Variants in BET1 observed in about 807,000 individuals in gnomAD.
BET1 encodes the protein Bet1 golgi vesicular membrane trafficking protein, also known as BET1 homolog.
BET1 carries 9 observed loss-of-function variants against 13.9 expected under a neutral mutation model. The observed-to-expected ratio is 0.65, with a 90% CI of 0.39 to 1.13. The LOEUF is 1.13. Ranked by LOEUF, BET1 falls within the 50% of genes most tolerant of loss-of-function variation. The pLI is 0.01. For missense variants in BET1, 127 were observed against 133.6 expected (o/e 0.95, Z 0.24); for synonymous variants, 39 against 47.3 (o/e 0.82, Z 0.72).
downstream of BET1, among the ~76,000 whole-genome samples, chr7:93,990,161 A>G (rs1795604774): frequency 6.6e-6 from 1 of 151,976 alleles, no homozygotes; most frequent in Admixed American, 6.6e-5. Flanking sequence ...ACTAAGCATT[A>G]AATCTGTGTA....
chr7:93,990,996 G>C (rs1319495950), downstream of BET1, among the ~76,000 whole-genome samples: 1 of 151,974 alleles, frequency 6.6e-6, no homozygotes, highest in Non-Finnish European at 1.5e-5. Context: ...AAAAGGACAA[G>C]GTGAATTACT....
intron 4 of BET1, among the ~76,000 whole-genome samples, chr7:93,980,250 G>A (rs896874648): frequency 6.6e-6 from 1 of 152,072 alleles, no homozygotes; most frequent in Non-Finnish European, 1.5e-5. Flanking sequence ...AAACTGAATA[G>A]GAGGAAGGCT....
chr7:93,998,898 T>C (rs1326086290), intron 2 of BET1, among the ~76,000 whole-genome samples: 1 of 152,072 alleles, frequency 6.6e-6, no homozygotes, highest in African/African-American at 2.4e-5. Flanking sequence ...GATGGACAGC[T>C]CTGTTTGAGA....
intron 1 of BET1, among the ~76,000 whole-genome samples, chr7:94,001,622 T>C (rs1025532570): frequency 6.6e-6 from 1 of 152,232 alleles, no homozygotes; most frequent in Non-Finnish European, 1.5e-5. Flanking sequence ...GGAGTGGGCA[T>C]ATTTTTCCGC....
intron 4 of BET1, among the ~76,000 whole-genome samples, chr7:93,981,729 A>G (rs1795433692): frequency 6.6e-6 from 1 of 152,124 alleles, no homozygotes. Context: ...CATTAAATCC[A>G]TTGTACTTCC....
At chr7:93,992,633 G>A, downstream of BET1, 1 of 985,214 alleles carries the variant, frequency 1.0e-6, no homozygotes, top group South Asian at 4.7e-5. Context: ...TCATCACCTT[G>A]AAGCCTGAAA....
intron 4 of BET1, among the ~76,000 whole-genome samples, chr7:93,985,736 G>C (rs1795517394): frequency 6.6e-6 from 1 of 152,184 alleles, no homozygotes; most frequent in Non-Finnish European, 1.5e-5. Flanking sequence ...CAATGATCCA[G>C]CTCTTGTGAA....
chr7:93,994,679 TA>T (rs962506733), intron 3 of BET1, among the ~76,000 whole-genome samples: 3 of 152,240 alleles, frequency 2.0e-5, no homozygotes, highest in South Asian at 2.1e-4. Flanking sequence ...ATTATGTGGA[TA>T]AAAAAAATTA....
chr7:93,986,722 T>A (rs1039323657), intron 4 of BET1, among the ~76,000 whole-genome samples: 16 of 152,214 alleles, frequency 1.1e-4, no homozygotes, highest in African/African-American at 3.6e-4. Context: ...GGTGGTCCCA[T>A]CAGATTAACT....
At chr7:93,987,174 C>T (rs759075332) in intron 4 of BET1, 2 of 151,666 alleles carry the variant, frequency 1.3e-5, no homozygotes, top group Non-Finnish European at 1.5e-5. Context: ...CTCACCGGAT[C>T]GACTTGGGTC....
At chr7:93,974,436 T>C (rs1252486925) in intron 5 of BET1, among the ~76,000 whole-genome samples, 1 of 151,860 alleles carries the variant, frequency 6.6e-6, no homozygotes, top group Non-Finnish European at 1.5e-5. Flanking sequence ...AGATAAGACT[T>C]TAGCCCCATG....
intron 5 of BET1, among the ~76,000 whole-genome samples, chr7:93,975,370 G>A (rs1235591265): frequency 6.6e-6 from 1 of 152,010 alleles, no homozygotes; most frequent in Admixed American, 6.6e-5. Flanking sequence ...AAATGTACTA[G>A]AATATTGAGA....
rs772985325 is a variant in BET1, at chr7:94,004,197, C to A, written c.19+1G>T. 1 of 1,614,056 alleles carries A rather than the reference C, an allele frequency of 6.2e-7. No homozygotes were observed. Among genetic ancestry groups the A allele is most frequent in the Non-Finnish European group, 8.5e-7 (1 of 1,179,948 alleles). ...ACTTCGAACCTCAGCCCTCTTCTTA[C>A]CCAGGCCTGCACGCCTCATCCTGCC... is the stretch of plus-strand genomic sequence containing the variant. On this transcript the variant is annotated splice_donor_variant, in intron 1 of 3. Transcript: ENST00000222547. LOFTEE classifies it high-confidence loss of function.
rs73715589 is a variant in BET1 at position 94,003,362 on chromosome 7, T to C, written c.19+836A>G. Among the ~76,000 whole-genome samples the C allele has an allele frequency of 6.2e-3, 948 of 152,304 alleles. 9 individuals carry two copies. The highest frequency in any genetic ancestry group is 0.021 in the African/African-American group (860 of 41,562). On this transcript the variant is annotated intron_variant, in intron 1 of 3. Transcript: ENST00000222547. ...CACTTTGGGGATTTTTTTTTTCTTT[T>C]TTCAATCTTATAATGACTGAGAAAG...
At chr7:93,998,397 A>C (rs572470258) in intron 2 of BET1, among the ~76,000 whole-genome samples, 62 of 152,302 alleles carry the variant, frequency 4.1e-4, no homozygotes, top group Non-Finnish European at 8.2e-4. Context: ...CAATAGTTCA[A>C]CTAAGAAAAC....
downstream of BET1, among the ~76,000 whole-genome samples, chr7:93,988,338 A>C (rs2116091102): frequency 6.6e-6 from 1 of 152,330 alleles, no homozygotes; most frequent in East Asian, 1.9e-4. Context: ...TAGGCCATCA[A>C]ACACCACAGA....
chr7:93,997,078 A>G (rs1378356194), intron 2 of BET1, among the ~76,000 whole-genome samples: 1 of 152,142 alleles, frequency 6.6e-6, no homozygotes, highest in Admixed American at 6.5e-5. Context: ...TACAAAATAC[A>G]ATACTATAGC....
chr7:93,978,073 T>C (rs1293175803), intron 4 of BET1, among the ~76,000 whole-genome samples: 1 of 126,494 alleles, frequency 7.9e-6, no homozygotes, highest in Admixed American at 7.6e-5. Flanking sequence ...TGCAACTTTG[T>C]TTCTTTTTTT....
At chr7:93,979,839 A>G (rs1795397277) in intron 4 of BET1, among the ~76,000 whole-genome samples, 2 of 152,048 alleles carry the variant, frequency 1.3e-5, no homozygotes, top group African/African-American at 4.8e-5. Context: ...ACTAGACTCA[A>G]TGTACTCTAG....
Sources: allele counts gnomAD v4.1 joint callset (sites outside exome capture counted in the v4.1 genomes callset), GRCh38; gene constraint gnomAD v4.1.1; transcripts MANE v1.5; gene names NCBI Gene and HGNC (gene_info 2026-07-23, HGNC 2026-07-21).